SOX6: variants seen among roughly 807,000 people sequenced by gnomAD.
SOX6 encodes SRY-box transcription factor 6.
A neutral mutation model predicts 97.8 loss-of-function variants in SOX6; 11 were observed. The observed-to-expected ratio is 0.11, with a 90% CI of 0.07 to 0.19. SOX6 has a LOEUF of 0.19. Among genes scored for constraint, SOX6 ranks in the 10% least tolerant of loss-of-function variants. The pLI, the probability that SOX6 is intolerant of heterozygous loss-of-function variation, is 1.00. For missense variants in SOX6, 810 were observed against 1,039.5 expected (o/e 0.78, Z 3.04); for synonymous variants, 360 against 371.4 (o/e 0.97, Z 0.35).
At chr11:16,606,811 G>A (rs1331942576) in intron 4 of SOX6, among the ~76,000 whole-genome samples, 2 of 152,152 alleles carry the variant, frequency 1.3e-5, no homozygotes, top group South Asian at 2.1e-4. Flanking sequence ...TGTTTTCTCA[G>A]GGTGGATTTT....
rs565271059 is a variant in SOX6, at chr11:16,294,814, G to T, written c.445+23632C>A. The stretch of plus-strand genomic sequence containing the variant: ...TCTGAATTGTTTAAGGGGATTTAAA[G>T]ATATGAGTTAAAAGAATTTCATAAT... On this transcript the variant is annotated intron_variant, in intron 3 of 15. Transcript: ENST00000683767. Among the ~76,000 whole-genome samples the T allele has an allele frequency of 9.2e-5, 14 of 152,130 alleles. No individual in the cohort carries two copies. The South Asian group carries it at 2.7e-3, about 29-fold the overall frequency.
chr11:16,513,566 G>A (rs1860914452), intron 4 of SOX6, among the ~76,000 whole-genome samples: 3 of 152,212 alleles, frequency 2.0e-5, no homozygotes, highest in Non-Finnish European at 4.4e-5. Context: ...CCGGGAGGCG[G>A]AGGTTGCAGT....
At chr11:16,107,436 T>A (rs965922067) in intron 7 of SOX6, among the ~76,000 whole-genome samples, 2 of 147,716 alleles carry the variant, frequency 1.4e-5, no homozygotes, top group East Asian at 2.0e-4. Context: ...TACATATATA[T>A]ACACAATTGA....
At chr11:16,256,940 A>C (rs1292556960) in intron 3 of SOX6, among the ~76,000 whole-genome samples, 1 of 151,880 alleles carries the variant, frequency 6.6e-6, no homozygotes, top group Admixed American at 6.6e-5. Flanking sequence ...ATTTGAAATG[A>C]AAAACACATT....
intron 4 of SOX6, among the ~76,000 whole-genome samples, chr11:16,192,338 A>AT (rs1056433546): frequency 6.6e-5 from 10 of 151,348 alleles, no homozygotes; most frequent in East Asian, 5.8e-4. Context: ...AAATTGACAC[A>AT]TTTTTTTTTC....
intron 1 of SOX6, among the ~76,000 whole-genome samples, chr11:16,453,825 C>T (rs961257204): frequency 6.6e-6 from 1 of 152,086 alleles, no homozygotes; most frequent in Non-Finnish European, 1.5e-5. Flanking sequence ...AATGAGCTCA[C>T]AGAAGAGTGA....
chr11:16,613,143 G>A lies in SOX6; in HGVS notation n.430-883C>T, dbSNP rs1394833456. ...CGGTGTTAGGCAGGAAAGCGCCTAC[G>A]GGAAAAACAGCTGGGATGCAGACGG... is the stretch of plus-strand genomic sequence containing the variant. On this transcript the variant is annotated intron_variant and non_coding_transcript_variant, in intron 3 of 5. Coordinates refer to the SOX6 transcript ENST00000524520. This position sits in a 1 kb window ranked among gnomAD's most constrained non-coding sequence, Gnocchi z 4.6. 1.3e-5 allele frequency: 2 copies of A among 152,206 alleles called. No individual in the cohort carries two copies. Among genetic ancestry groups the A allele is most frequent in the Non-Finnish European group, 2.9e-5 (2 of 68,078 alleles). 9.4% of individuals were successfully genotyped at this position (152,206 alleles called of 1,614,324 possible). A position where few individuals can be genotyped will look rare whatever the true frequency, so the allele number is the denominator to read the frequency against.
intron 3 of SOX6, among the ~76,000 whole-genome samples, chr11:16,672,209 G>C (rs1847851987): frequency 6.6e-6 from 1 of 152,152 alleles, no homozygotes; most frequent in Non-Finnish European, 1.5e-5. Context: ...TAAATACACA[G>C]ACCAGTGACA....
intron 4 of SOX6, among the ~76,000 whole-genome samples, chr11:16,583,953 T>C (rs962107101): frequency 6.6e-6 from 1 of 152,114 alleles, no homozygotes; most frequent in Non-Finnish European, 1.5e-5. Flanking sequence ...CCATACTAAC[T>C]GGGGCGAGAT....
At chr11:16,506,207 CAG>C (rs1860786110) in intron 4 of SOX6, among the ~76,000 whole-genome samples, 1 of 152,198 alleles carries the variant, frequency 6.6e-6, no homozygotes, top group Non-Finnish European at 1.5e-5. Flanking sequence ...TCCTGCACCA[CAG>C]GGGTGGAGCT....
At chr11:16,244,796 TA>T (rs1853288731) in intron 3 of SOX6, among the ~76,000 whole-genome samples, 1 of 151,392 alleles carries the variant, frequency 6.6e-6, no homozygotes, top group Non-Finnish European at 1.5e-5. Flanking sequence ...ATCTATTTCT[TA>T]ATTCTTTTCT....
chr11:16,560,611 A>G (rs919459867), intron 4 of SOX6, among the ~76,000 whole-genome samples: 1 of 139,448 alleles, frequency 7.2e-6, no homozygotes, highest in East Asian at 2.0e-4. Flanking sequence ...GTATGTTTAT[A>G]CGTACATATA....
chr11:16,350,985 T>G lies in SOX6; in HGVS notation c.-5+5109A>C, dbSNP rs181868781. 3.0e-3 allele frequency among the ~76,000 whole-genome samples: 453 copies of G among 152,232 alleles called. 3 individuals are homozygous for G. The highest frequency in any genetic ancestry group is 0.024 in the Middle Eastern group (7 of 294). ...AGAAAATACCACTCCATGTTAATAC[T>G]GCCAATCTAAACATTATTATTTCTC... On this transcript the variant is annotated intron_variant, in intron 1 of 15. Coordinates refer to ENST00000683767, the MANE Select transcript of SOX6 (RefSeq NM_001367873.1).
intron 6 of SOX6, among the ~76,000 whole-genome samples, chr11:16,118,364 G>A (rs529518550): frequency 1.5e-4 from 23 of 152,346 alleles, no homozygotes; most frequent in African/African-American, 4.6e-4. Flanking sequence ...AATTGCTAGG[G>A]TATTCCTCAC....
At chr11:16,565,377 A>G (rs1284640340) in intron 4 of SOX6, among the ~76,000 whole-genome samples, 1 of 152,152 alleles carries the variant, frequency 6.6e-6, no homozygotes, top group African/African-American at 2.4e-5. Flanking sequence ...AAAGATTAAC[A>G]CCAATTCTAC....
chr11:16,555,179 T>A (rs549220594), intron 4 of SOX6, among the ~76,000 whole-genome samples: 1 of 151,872 alleles, frequency 6.6e-6, no homozygotes, highest in Non-Finnish European at 1.5e-5. Context: ...GTGGCCTCAA[T>A]GACACTTAAA....
intron 1 of SOX6, chr11:16,402,828 C>T: frequency 6.4e-7 from 1 of 1,551,926 alleles, no homozygotes; most frequent in Non-Finnish European, 8.7e-7. Flanking sequence ...TCACCATGAC[C>T]TTTCATCTTT....
chr11:16,648,606 C>T (rs1849048186), intron 3 of SOX6, among the ~76,000 whole-genome samples: 1 of 152,144 alleles, frequency 6.6e-6, no homozygotes, highest in Non-Finnish European at 1.5e-5. Context: ...ACAGAATAAC[C>T]CTGATCCCAG....
At chr11:16,474,609 C>G (rs1204664064) in intron 1 of SOX6, among the ~76,000 whole-genome samples, 1 of 152,156 alleles carries the variant, frequency 6.6e-6, no homozygotes, top group Non-Finnish European at 1.5e-5. Flanking sequence ...TATGTCTCAA[C>G]AGTGGGCTTA....
Sources: gnomAD v4.1 joint callset for allele counts (sites outside exome capture counted in the v4.1 genomes callset) on GRCh38, gnomAD v4.1.1 for gene constraint, Gnocchi (gnomAD v3.1) non-coding constraint, MANE v1.5 for transcripts, NCBI Gene and HGNC (gene_info 2026-07-23, HGNC 2026-07-21) for gene names.